Variants in FTCD observed in about 807,000 individuals in gnomAD.
FTCD encodes formimidoyltransferase-cyclodeaminase.
FTCD carries 76 observed loss-of-function variants against 62.9 expected under a neutral mutation model. The ratio of observed to expected loss-of-function variants is 1.21; its 90% CI spans 1.00 to 1.46. The LOEUF (loss-of-function observed/expected upper bound fraction) is 1.46. Among genes scored for constraint, FTCD ranks in the 40% most tolerant of loss-of-function variants. The pLI is 0.00. For synonymous variants in FTCD, 397 were observed against 336.9 expected (o/e 1.18, Z -1.95); for missense variants, 845 against 751.3 (o/e 1.12, Z -1.46).
At chr21:46,148,392 A>C (rs150362072) in intron 7 of FTCD, among the ~76,000 whole-genome samples, 12 of 152,310 alleles carry the variant, frequency 7.9e-5, no homozygotes, top group African/African-American at 2.9e-4. Flanking sequence ...TAGGAGGCTG[A>C]CGTGAGTGGA....
intron 11 of FTCD, 30 bp downstream of exon 11, chr21:46,138,850 C>T (rs758145706): frequency 3.1e-6 from 5 of 1,593,160 alleles, no homozygotes; most frequent in Non-Finnish European, 4.3e-6. Flanking sequence ...GACACAGAGG[C>T]CCACGGTGCG....
chr21:46,149,162 T>C (rs1371797217), intron 7 of FTCD, among the ~76,000 whole-genome samples: 3 of 152,150 alleles, frequency 2.0e-5, no homozygotes, highest in African/African-American at 4.8e-5. Flanking sequence ...TAAGAAATTA[T>C]ACAAAATGTA....
At chr21:46,152,461 G>A (rs1385104375) in intron 3 of FTCD, 3 of 200,820 alleles carry the variant, frequency 1.5e-5, no homozygotes. Context: ...ACCGTGACGG[G>A]GGTTACGTGT....
At chr21:46,151,800 C>G in intron 4 of FTCD, 63 bp from the exon 5 acceptor site, 1 of 1,597,536 alleles carries the variant, frequency 6.3e-7, no homozygotes, top group Non-Finnish European at 8.5e-7. Context: ...CCCCGGGGTC[C>G]CGGGAAGGAG....
intron 2 of FTCD, 111 bp downstream of exon 2, chr21:46,154,038 C>G (rs181225268): frequency 8.8e-7 from 1 of 1,131,526 alleles, no homozygotes; most frequent in African/African-American, 1.5e-5. Context: ...CCACTGGACC[C>G]CACGTTCCAA....
chr21:46,155,375 G>T, intron 1 of FTCD, 95 bp downstream of exon 1: 3 of 1,064,316 alleles, frequency 2.8e-6, no homozygotes, highest in Non-Finnish European at 4.3e-6. Flanking sequence ...AGACGACCCG[G>T]GACACCAAGC....
intron 7 of FTCD, chr21:46,146,587 G>A (rs2079153216): frequency 3.5e-6 from 2 of 574,618 alleles, no homozygotes; most frequent in South Asian, 4.2e-5. Flanking sequence ...GGAACCTGAG[G>A]CCCAGAGAAA....
At chr21:46,138,247 A>G (rs2078914073) in intron 12 of FTCD, among the ~76,000 whole-genome samples, 1 of 152,106 alleles carries the variant, frequency 6.6e-6, no homozygotes, top group Non-Finnish European at 1.5e-5. Context: ...GTCTTGGGGG[A>G]GTATACACTT....
chr21:46,143,375 A>T (rs1446297911), intron 10 of FTCD, among the ~76,000 whole-genome samples: 1 of 36,008 alleles, frequency 2.8e-5, no homozygotes, highest in African/African-American at 1.0e-4. Flanking sequence ...CCCCCTCCCC[A>T]TCTCCCTCTT....
At chr21:46,140,131 T>C (rs2078962612) in intron 10 of FTCD, among the ~76,000 whole-genome samples, 2 of 152,240 alleles carry the variant, frequency 1.3e-5, no homozygotes, top group Admixed American at 1.3e-4. Context: ...TTTGCATTGC[T>C]CAGAGGGAGC....
In FTCD at chr21:46,145,409, C is replaced by A; in HGVS notation, c.1260+8G>T. On this transcript the variant is annotated splice_region_variant and intron_variant, in intron 10 of 13. Coordinates refer to ENST00000397746, the MANE Select transcript of FTCD (RefSeq NM_206965.2). ...GGCCCGGGGAGCCCTGCTGTGGCCG[C>A]CACTCACCAGGTAGGCGGTGAAGGC... 6.5e-7 allele frequency: 1 copy of A among 1,541,662 alleles called. No homozygotes were observed. The highest frequency in any genetic ancestry group is 8.8e-7 in the Non-Finnish European group (1 of 1,142,678).
intron 8 of FTCD, 51 bp from the exon 9 acceptor site, chr21:46,145,998 C>G: frequency 8.7e-7 from 1 of 1,146,562 alleles, no homozygotes; most frequent in Non-Finnish European, 1.2e-6. Context: ...GTGGGGGGAG[C>G]GCAGTCCTCC....
chr21:46,150,660 C>G, intron 5 of FTCD, 135 bp from the exon 6 acceptor site: 1 of 920,376 alleles, frequency 1.1e-6, no homozygotes, highest in Non-Finnish European at 1.8e-6. Flanking sequence ...GGTTCTCCTC[C>G]GTCCCTCACT....
In FTCD at chr21:46,145,581, G is replaced by C; in HGVS notation, c.1099-3C>G. On this transcript the variant is annotated splice_polypyrimidine_tract_variant and splice_region_variant and intron_variant, in intron 9 of 13. Coordinates refer to ENST00000397746, the MANE Select transcript of FTCD (RefSeq NM_206965.2). The stretch of plus-strand genomic sequence containing the variant: ...ACCATGGAGCCCAGCGCCGCACCCT[G>C]CGAGAGGGGTGGATGTGGGGGTCGC... The C allele has an allele frequency of 6.5e-7, 1 of 1,533,030 alleles. No individual in the cohort carries two copies. The highest frequency in any genetic ancestry group is 8.8e-7 in the Non-Finnish European group (1 of 1,137,360). The allele number at this position is 1,533,030 out of a possible 1,614,324, so 95.0% of individuals were successfully genotyped here.
chr21:46,150,002 T>C (rs2079227932), intron 7 of FTCD, 117 bp downstream of exon 7: 1 of 1,001,842 alleles, frequency 1.0e-6, no homozygotes, highest in Non-Finnish European at 1.5e-6. Flanking sequence ...CACAAGTCAA[T>C]AAAATGAAGG....
chr21:46,141,798 T>C (rs1032830150), intron 10 of FTCD, among the ~76,000 whole-genome samples: 1 of 152,060 alleles, frequency 6.6e-6, no homozygotes, highest in African/African-American at 2.4e-5. Context: ...ACCAGATAAC[T>C]TCCTGGAAAA....
At chr21:46,148,640 T>A (rs1486255769) in intron 7 of FTCD, among the ~76,000 whole-genome samples, 1 of 152,168 alleles carries the variant, frequency 6.6e-6, no homozygotes, top group African/African-American at 2.4e-5. Flanking sequence ...CAAATTAAAT[T>A]AAAATAAAAA....
chr21:46,136,955 G>A lies in FTCD; in HGVS notation c.*32C>T. 6.2e-7 allele frequency: 1 copy of A among 1,612,664 alleles called. No individual in the cohort carries two copies. The highest frequency in any genetic ancestry group is 2.2e-5 in the East Asian group (1 of 44,870). The stretch of plus-strand genomic sequence containing the variant: ...GCCCTCTGGGGATGGGCGAGGGAGG[G>A]GCCACAGAGCCCGGAGAGGCCTCCC... On this transcript the variant is annotated 3_prime_UTR_variant, in exon 14 of 14. Transcript: ENST00000397746.
At chr21:46,141,830 T>C (rs745610814) in intron 10 of FTCD, among the ~76,000 whole-genome samples, 10 of 152,168 alleles carry the variant, frequency 6.6e-5, no homozygotes, top group Non-Finnish European at 1.2e-4. Flanking sequence ...CACTGCTAAA[T>C]GTACGGAACA....
Sources: allele counts gnomAD v4.1 joint callset (sites outside exome capture counted in the v4.1 genomes callset), GRCh38; gene constraint gnomAD v4.1.1; transcripts MANE v1.5; gene names NCBI Gene and HGNC (gene_info 2026-07-23, HGNC 2026-07-21).